CDK14: variants seen among roughly 807,000 people sequenced by gnomAD.
CDK14 encodes cyclin dependent kinase 14, also known as cyclin-dependent kinase 14.
Under a neutral mutation model 60.7 loss-of-function variants are expected in CDK14, and 34 were observed. The ratio of observed to expected loss-of-function variants is 0.56; its 90% CI spans 0.43 to 0.75. The LOEUF (loss-of-function observed/expected upper bound fraction) is 0.75, where lower values mean the gene tolerates loss of function less well. CDK14 is among the 30% of genes least tolerant of loss of function. The probability of loss-of-function intolerance (pLI) is 0.00; values close to 1 mark genes in which losing one functional copy is unlikely to be tolerated. For missense variants in CDK14, 482 were observed against 564.1 expected, an observed-to-expected ratio of 0.85 and a Z score of 1.47; for synonymous variants, 197 against 203.7, an observed-to-expected ratio of 0.97 and a Z score of 0.28.
At chr7:90,738,823 A>T (rs1487749618) in intron 3 of CDK14, among the ~76,000 whole-genome samples, 1 of 152,214 alleles carries the variant, frequency 6.6e-6, no homozygotes, top group East Asian at 1.9e-4. Context: ...GTGATGATTT[A>T]ATAAAGTTGC....
intron 4 of CDK14, among the ~76,000 whole-genome samples, chr7:90,755,153 C>G (rs1562754522): frequency 6.6e-6 from 1 of 152,162 alleles, no homozygotes. Context: ...ACCAAAAAGA[C>G]ACATGCAGTT....
Position 90,639,631 on chromosome 7 carries a change from G to A in CDK14, c.123+35382G>A, listed in dbSNP as rs375335609. On this transcript the variant is annotated intron_variant, in intron 2 of 14. Transcript: ENST00000380050. ...TGCCCGTTCTCAGATCTCCAGCTGC[G>A]TGCTGGGAGAACCACTGCTCTCCTC... 1.5e-4 allele frequency among the ~76,000 whole-genome samples: 22 copies of A among 147,920 alleles called. No individual in the cohort carries two copies. In the South Asian group the frequency reaches 2.9e-3, roughly 19 times the overall value.
chr7:90,921,336 T>C (rs1229824644), intron 8 of CDK14, among the ~76,000 whole-genome samples: 1 of 152,096 alleles, frequency 6.6e-6, no homozygotes, highest in East Asian at 1.9e-4. Flanking sequence ...ATAGAAGTTA[T>C]AGTTCATGTC....
rs138863608 is a variant in CDK14 at position 90,985,612 on chromosome 7, C to T, written c.1041+1371C>T. Among the ~76,000 whole-genome samples the T allele has an allele frequency of 1.6e-3, 247 of 152,192 alleles. 1 individual carries two copies. Among genetic ancestry groups the T allele is most frequent in the Middle Eastern group, 0.014 (4 of 294 alleles). ...ATTAAGAATACAATCTGCAGTAGAA[C>T]GTAGCGATACAAACTGAGGCCCCAT... is the stretch of plus-strand genomic sequence containing the variant. On this transcript the variant is annotated intron_variant, in intron 10 of 14. Transcript: ENST00000380050.
chr7:91,116,838 G>A (rs1418609291), intron 13 of CDK14, among the ~76,000 whole-genome samples: 1 of 151,734 alleles, frequency 6.6e-6, no homozygotes, highest in Non-Finnish European at 1.5e-5. Context: ...GAAAACTAAA[G>A]TCTCCTGTTC....
chr7:90,706,880 G>A (rs1801908167), intron 2 of CDK14, among the ~76,000 whole-genome samples: 1 of 152,136 alleles, frequency 6.6e-6, no homozygotes, highest in Non-Finnish European at 1.5e-5. Context: ...GATCAGCCCA[G>A]GGATACAAAA....
intron 11 of CDK14, among the ~76,000 whole-genome samples, chr7:91,074,756 C>G (rs1212881185): frequency 6.7e-6 from 1 of 150,000 alleles, no homozygotes; most frequent in Non-Finnish European, 1.5e-5. Context: ...ACTAGATAGA[C>G]TAATGAAAAG....
At chr7:91,121,585 A>G (rs538434981) in intron 14 of CDK14, among the ~76,000 whole-genome samples, 2 of 152,326 alleles carry the variant, frequency 1.3e-5, no homozygotes, top group African/African-American at 4.8e-5. Flanking sequence ...TGGAAAATCT[A>G]ATGAGATGCA....
At chr7:90,663,890 A>T (rs1800915618) in intron 2 of CDK14, among the ~76,000 whole-genome samples, 1 of 152,186 alleles carries the variant, frequency 6.6e-6, no homozygotes. Flanking sequence ...TATTTTCCTT[A>T]AAAACTTTCC....
At chr7:90,963,681 T>C (rs1329825530) in intron 9 of CDK14, among the ~76,000 whole-genome samples, 1 of 81,528 alleles carries the variant, frequency 1.2e-5, no homozygotes, top group African/African-American at 4.6e-5. Context: ...AAGACAAAGG[T>C]TTTTTTTTTT....
chr7:90,964,182 C>T (rs1407199565), intron 9 of CDK14, among the ~76,000 whole-genome samples: 2 of 152,118 alleles, frequency 1.3e-5, no homozygotes, highest in Non-Finnish European at 2.9e-5. Context: ...TTGTGCAAGG[C>T]TGTGTTTTTT....
At chr7:90,897,316 C>T (rs976336436) in intron 6 of CDK14, among the ~76,000 whole-genome samples, 1 of 151,936 alleles carries the variant, frequency 6.6e-6, no homozygotes, top group Non-Finnish European at 1.5e-5. Context: ...GTTTGGGAAG[C>T]AGTATGAATT....
chr7:90,816,911 A>G (rs1398488387), intron 5 of CDK14, among the ~76,000 whole-genome samples: 1 of 152,208 alleles, frequency 6.6e-6, no homozygotes, highest in Non-Finnish European at 1.5e-5. Context: ...TAGAGCGAGT[A>G]GGTAGTTTGA....
At chr7:90,846,615 G>A (rs1045574887) in intron 5 of CDK14, among the ~76,000 whole-genome samples, 103 of 152,156 alleles carry the variant, frequency 6.8e-4, no homozygotes, top group African/African-American at 2.4e-3. Context: ...AAGGAAAAAT[G>A]TAAAAACCTG....
chr7:91,108,060 T>C (rs1176771910), intron 12 of CDK14, among the ~76,000 whole-genome samples: 1 of 152,112 alleles, frequency 6.6e-6, no homozygotes, highest in Non-Finnish European at 1.5e-5. Context: ...GTAATCCCAG[T>C]ACTTTAGGAG....
chr7:91,042,031 C>T (rs983035068), intron 10 of CDK14, among the ~76,000 whole-genome samples: 4 of 152,144 alleles, frequency 2.6e-5, no homozygotes, highest in African/African-American at 9.7e-5. Flanking sequence ...GCATAAAGCA[C>T]TCAGACATCA....
intron 5 of CDK14, among the ~76,000 whole-genome samples, chr7:90,822,070 A>G (rs1006660102): frequency 6.6e-6 from 1 of 152,208 alleles, no homozygotes. Context: ...TATTCATTGT[A>G]TACTAGCTCT....
intron 6 of CDK14, among the ~76,000 whole-genome samples, chr7:90,893,775 A>G (rs1173421857): frequency 1.3e-5 from 2 of 152,232 alleles, no homozygotes; most frequent in African/African-American, 4.8e-5. Context: ...TGAAACATCA[A>G]TGTTAAGGTG....
At chr7:91,195,447 A>G (rs1802505690) in intron 14 of CDK14, among the ~76,000 whole-genome samples, 1 of 152,192 alleles carries the variant, frequency 6.6e-6, no homozygotes, top group African/African-American at 2.4e-5. Context: ...CTATTTATAA[A>G]GTACCTAAGG....
Sources: gnomAD v4.1 joint callset for allele counts (sites outside exome capture counted in the v4.1 genomes callset) on GRCh38, gnomAD v4.1.1 for gene constraint, MANE v1.5 for transcripts, NCBI Gene and HGNC (gene_info 2026-07-23, HGNC 2026-07-21) for gene names.